CELF1: variants seen among roughly 807,000 people sequenced by gnomAD.
CELF1 encodes 50 kDa nuclear polyadenylated RNA-binding protein.
A neutral mutation model predicts 61.8 loss-of-function variants in CELF1; 10 were observed. That is an observed-to-expected ratio of 0.16 (90% CI 0.10 to 0.27). The LOEUF is 0.27. CELF1 is among the 10% of genes least tolerant of loss of function. The pLI is 1.00. For missense variants in CELF1, 380 were observed against 639.1 expected, an observed-to-expected ratio of 0.59 and a Z score of 4.37; for synonymous variants, 236 against 225.1, an observed-to-expected ratio of 1.05 and a Z score of -0.43.
intron 12 of CELF1, 124 bp from the exon 13 acceptor site, chr11:47,475,645 T>C: frequency 2.2e-6 from 2 of 902,112 alleles, no homozygotes; most frequent in Non-Finnish European, 3.3e-6. Flanking sequence ...CCCTCTTAGT[T>C]TCTCCCTGAG....
chr11:47,541,140 C>G (rs915935108), intron 1 of CELF1, among the ~76,000 whole-genome samples: 1 of 152,148 alleles, frequency 6.6e-6, no homozygotes, highest in Non-Finnish European at 1.5e-5. Flanking sequence ...AAAAAGCGTA[C>G]AGCAAATTAT....
In CELF1 at chr11:47,482,933, T is replaced by A. The variant is rs1036089433; in HGVS notation, c.607-77A>T. The A allele has an allele frequency of 1.7e-5, 22 of 1,317,756 alleles. No homozygotes were observed. The East Asian group carries it at 5.2e-4, about 31-fold the overall frequency. The allele number at this position is 1,317,756 out of a possible 1,614,324, so 81.6% of individuals were successfully genotyped here. A position where few individuals can be genotyped will look rare whatever the true frequency, so the allele number is the denominator to read the frequency against. Reference sequence around the variant, plus strand: ...AAAAAAATCTTCCTTTTGGATGACATGCAGGTTACATTCTAATTTCATTCA... The same window carrying A: ...AAAAAAATCTTCCTTTTGGATGACAAGCAGGTTACATTCTAATTTCATTCA... On this transcript the variant is annotated intron_variant, in intron 8 of 14. Transcript: ENST00000687097.
At chr11:47,557,670 TG>T (rs1439711267), upstream of CELF1, 6 of 147,000 alleles carry the variant, frequency 4.1e-5, no homozygotes, top group Non-Finnish European at 6.0e-5. Flanking sequence ...TTAGGCAACC[TG>T]GTGGTCCCCC....
At chr11:47,522,641 A>C (rs2095994198) in intron 1 of CELF1, among the ~76,000 whole-genome samples, 1 of 152,100 alleles carries the variant, frequency 6.6e-6, no homozygotes, top group Non-Finnish European at 1.5e-5. Context: ...CAGCCTGGCC[A>C]ACGTGGTGAA....
At chr11:47,494,158 G>A (rs1195873282) in intron 3 of CELF1, among the ~76,000 whole-genome samples, 1 of 152,238 alleles carries the variant, frequency 6.6e-6, no homozygotes, top group Non-Finnish European at 1.5e-5. Context: ...TCCTGGGGCA[G>A]TACTGCCAGC....
At chr11:47,557,017 A>G (rs538338612), upstream of CELF1, among the ~76,000 whole-genome samples, 1 of 152,154 alleles carries the variant, frequency 6.6e-6, no homozygotes, top group East Asian at 1.9e-4. Flanking sequence ...CTGCTGCCTC[A>G]GCCTCCTGAG....
At chr11:47,505,500 G>A (rs10838724) in intron 1 of CELF1, among the ~76,000 whole-genome samples, 1 of 150,158 alleles carries the variant, frequency 6.7e-6, no homozygotes, top group Non-Finnish European at 1.5e-5. Context: ...AAAATTAGCC[G>A]GCCATGGTGG....
At position 47,483,502 on chromosome 11, in the gene CELF1, G is replaced by T; in HGVS notation, c.557C>A (p.Ala186Asp). ...GCAFVTFTTR[A>D]MAQTAIKAMH... The stretch of plus-strand genomic sequence containing the variant: ...TGCCTTGATAGCCGTCTGTGCCATG[G>T]CTCTTGTTGTAAAAGTCACAAATGC... Residue 186 changes from alanine (A) to aspartate (D), a missense_variant, in exon 8 of 15, where the codon GCC becomes GAC. By Grantham distance (126) the Ala-to-Asp change is moderately radical (BLOSUM62 -2). Transcript: ENST00000687097. The T allele has an allele frequency of 6.2e-7, 1 of 1,613,956 alleles. No homozygotes were observed. The highest frequency in any genetic ancestry group is 8.5e-7 in the Non-Finnish European group (1 of 1,179,910).
chr11:47,516,696 T>C (rs910702512), intron 1 of CELF1, among the ~76,000 whole-genome samples: 3 of 151,626 alleles, frequency 2.0e-5, no homozygotes, highest in South Asian at 2.1e-4. Flanking sequence ...TGCCTCCCAG[T>C]TGTAAGCAAT....
At chr11:47,552,530 T>C (rs2153783006) in intron 1 of CELF1, among the ~76,000 whole-genome samples, 1 of 152,276 alleles carries the variant, frequency 6.6e-6, no homozygotes, top group South Asian at 2.1e-4. Flanking sequence ...CGCTGCCTTC[T>C]AGGGGCGCGG....
intron 1 of CELF1, chr11:47,513,552 C>T (rs1204804808): frequency 1.3e-5 from 2 of 151,834 alleles, no homozygotes; most frequent in African/African-American, 2.4e-5. Context: ...CTCCGCCTCT[C>T]GGGTGCATGC....
In CELF1 at chr11:47,484,422, G is replaced by A. The variant is rs1349750652; in HGVS notation, c.493C>T (p.Arg165Trp). 1.2e-6 allele frequency: 2 copies of A among 1,613,486 alleles called. No homozygotes were observed. The highest frequency in any genetic ancestry group is 1.1e-5 in the South Asian group (1 of 90,974). Reference sequence around the variant, plus strand: ...AGGCCATCAGGTCCCCGCAATATCCGGCATTCTTCAATCTGTCCAAACGAA... The same window carrying A: ...AGGCCATCAGGTCCCCGCAATATCCAGCATTCTTCAATCTGTCCAAACGAA... ...FSSFGQIEEC[R>W]ILRGPDGLSR... The change falls in exon 7 of 15, where the codon CGG becomes TGG. Residue 165 changes from arginine to tryptophan, a missense_variant. Transcript: ENST00000687097.
intron 12 of CELF1, 96 bp from the exon 13 acceptor site, chr11:47,475,617 A>G (rs1361285302): frequency 1.6e-6 from 2 of 1,216,046 alleles, no homozygotes; most frequent in Non-Finnish European, 2.3e-6. Context: ...GAAAACTCCA[A>G]AGTTCTCCCC....
intron 6 of CELF1, among the ~76,000 whole-genome samples, chr11:47,485,321 C>G (rs149997132): frequency 1.4e-3 from 220 of 152,244 alleles, no homozygotes; most frequent in African/African-American, 5.1e-3. Flanking sequence ...GCTGGGACCA[C>G]AGGTATGTAC....
intron 3 of CELF1, among the ~76,000 whole-genome samples, chr11:47,492,630 G>A (rs533935549): frequency 6.6e-6 from 1 of 152,248 alleles, no homozygotes; most frequent in Admixed American, 6.5e-5. Context: ...TACTCGGGAG[G>A]CTAAGGCACA....
In CELF1 at chr11:47,537,563, A is replaced by C. The variant is rs141317352; in HGVS notation, c.-154+15429T>G. Among the ~76,000 whole-genome samples, 100 of 152,082 alleles carry C rather than the reference A, an allele frequency of 6.6e-4. 1 individual carries two copies. Among genetic ancestry groups the C allele is most frequent in the African/African-American group, 2.4e-3 (98 of 41,498 alleles). ...CACCAGGCCTACAGTACAAACCTTA[A>C]CCATAATGTCTTTTGATGGAAAGCT... On this transcript the variant is annotated intron_variant, in intron 1 of 14. Coordinates refer to ENST00000687097, the MANE Select transcript of CELF1 (RefSeq NM_001376376.1).
intron 1 of CELF1, among the ~76,000 whole-genome samples, chr11:47,546,274 G>T (rs1311611749): frequency 7.0e-6 from 1 of 143,356 alleles, no homozygotes; most frequent in African/African-American, 2.6e-5. Flanking sequence ...CGGGGGCGGG[G>T]GCGGGGGAGG....
intron 1 of CELF1, among the ~76,000 whole-genome samples, chr11:47,545,875 G>GTGTC (rs2096927331): frequency 8.9e-6 from 1 of 111,780 alleles, no homozygotes; most frequent in Non-Finnish European, 1.8e-5. Context: ...GTCTGCGTGT[G>GTGTC]TGTGTGTGTG....
At chr11:47,516,989 G>C (rs1002775726) in intron 1 of CELF1, among the ~76,000 whole-genome samples, 4 of 152,126 alleles carry the variant, frequency 2.6e-5, no homozygotes, top group African/African-American at 4.8e-5. Context: ...GCTGAGCACA[G>C]TGGCTCACAC....
Sources: allele counts gnomAD v4.1 joint callset (sites outside exome capture counted in the v4.1 genomes callset), GRCh38; gene constraint gnomAD v4.1.1; transcripts MANE v1.5; gene names NCBI Gene and HGNC (gene_info 2026-07-23, HGNC 2026-07-21).